Variants in MROH2B observed in about 807,000 individuals in gnomAD.
The protein encoded by MROH2B is maestro heat like repeat family member 2B.
Under a neutral mutation model 208.6 loss-of-function variants are expected in MROH2B, and 177 were observed. That is an observed-to-expected ratio of 0.85 (90% CI 0.75 to 0.96). The LOEUF (loss-of-function observed/expected upper bound fraction) is 0.96. Among genes scored for constraint, MROH2B ranks in the 40% least tolerant of loss-of-function variants. The pLI is 0.00. For synonymous variants in MROH2B, 728 were observed against 659.0 expected, an observed-to-expected ratio of 1.10 and a Z score of -1.60; for missense variants, 2,002 against 1,878.7, an observed-to-expected ratio of 1.07 and a Z score of -1.21.
chr5:41,020,399 C>T (rs1193551353), intron 24 of MROH2B, among the ~76,000 whole-genome samples: 1 of 151,918 alleles, frequency 6.6e-6, no homozygotes, highest in Non-Finnish European at 1.5e-5. Flanking sequence ...TTCTACAAAC[C>T]TCCCTCATTT....
At chr5:41,023,233 C>T (rs1029996453) in intron 24 of MROH2B, among the ~76,000 whole-genome samples, 11 of 152,144 alleles carry the variant, frequency 7.2e-5, no homozygotes, top group Non-Finnish European at 1.5e-4. Context: ...TTCAGATGAT[C>T]AAACTTCTCC....
At chr5:41,069,057 G>T (rs1039734607) in intron 2 of MROH2B, among the ~76,000 whole-genome samples, 4 of 152,058 alleles carry the variant, frequency 2.6e-5, no homozygotes, top group African/African-American at 9.7e-5. Flanking sequence ...GCTTGCTTTT[G>T]GATATAGTCC....
intron 4 of MROH2B, 104 bp from the exon 5 acceptor site, chr5:41,064,674 G>T: frequency 2.7e-6 from 2 of 727,708 alleles, no homozygotes; most frequent in Non-Finnish European, 2.3e-6. Flanking sequence ...CACGGAGGAG[G>T]CAGATGAGGT....
At chr5:41,025,848 G>C (rs972687167) in intron 24 of MROH2B, among the ~76,000 whole-genome samples, 41 of 152,088 alleles carry the variant, frequency 2.7e-4, no homozygotes, top group Non-Finnish European at 1.2e-4. Context: ...ATGATCAAGT[G>C]GGCTTCATCC....
chr5:40,998,097 C>A lies in MROH2B; in HGVS notation c.4713G>T (p.Leu1571Phe), dbSNP rs1741264349. The change falls in exon 42 of 42, where the codon TTG (leucine) becomes TTT (phenylalanine). Residue 1571 changes from leucine (L) to phenylalanine (F), a missense_variant. Physicochemically the swap from Leu to Phe is conservative, Grantham distance 22. Coordinates refer to ENST00000399564, the MANE Select transcript of MROH2B (RefSeq NM_173489.5). Reference protein sequence around the residue: ...ISVQRAAEAALQTLLRRCKET... With the variant: ...ISVQRAAEAAFQTLLRRCKET... ...CTTTACACCTTCTCAGGAGGGTTTG[C>A]AAAGCAGCCTCAGCTGCTCTCTGGA... is the stretch of plus-strand genomic sequence containing the variant. The A allele has an allele frequency of 6.2e-7, 1 of 1,612,438 alleles. No individual in the cohort carries two copies. The highest frequency in any genetic ancestry group is 2.2e-5 in the East Asian group (1 of 44,848).
At chr5:41,057,388 TG>T (rs1159049291) in intron 7 of MROH2B, 28 bp from the exon 8 acceptor site, 23 of 1,525,624 alleles carry the variant, frequency 1.5e-5, no homozygotes, top group Non-Finnish European at 2.0e-5. Context: ...ACAGGTTAGT[TG>T]GAGGCTGCCA....
At chr5:41,062,685 A>G (rs1743678397) in intron 5 of MROH2B, among the ~76,000 whole-genome samples, 1 of 152,158 alleles carries the variant, frequency 6.6e-6, no homozygotes, top group Admixed American at 6.6e-5. Context: ...GGGACTCCTC[A>G]CATTCACAAA....
chr5:41,006,331 T>TA (rs893500323), intron 34 of MROH2B, among the ~76,000 whole-genome samples: 64 of 150,040 alleles, frequency 4.3e-4, no homozygotes, highest in African/African-American at 1.4e-3. Context: ...ATAATAATAA[T>TA]AAAAAAAAAG....
intron 24 of MROH2B, among the ~76,000 whole-genome samples, chr5:41,019,810 GC>G (rs1742084826): frequency 6.6e-6 from 1 of 152,216 alleles, no homozygotes; most frequent in African/African-American, 2.4e-5. Flanking sequence ...TTATTGTCTG[GC>G]TCACTGCTTT....
chr5:41,012,353 AAG>A (rs775345011), intron 30 of MROH2B, among the ~76,000 whole-genome samples: 2 of 152,198 alleles, frequency 1.3e-5, no homozygotes, highest in Non-Finnish European at 2.9e-5. Context: ...TCTAGCCAGA[AAG>A]AGACAGTTTG....
intron 9 of MROH2B, 51 bp downstream of exon 9, chr5:41,057,058 A>T: frequency 6.4e-7 from 1 of 1,569,872 alleles, no homozygotes; most frequent in Non-Finnish European, 8.8e-7. Flanking sequence ...CATTGTCATC[A>T]TCATCACTTG....
intron 11 of MROH2B, among the ~76,000 whole-genome samples, chr5:41,054,098 G>C (rs988038743): frequency 6.6e-6 from 1 of 151,988 alleles, no homozygotes; most frequent in Non-Finnish European, 1.5e-5. Context: ...TTGTGCCTCA[G>C]CCTCATGAGT....
chr5:41,040,919 C>G (rs1046359943), intron 19 of MROH2B, among the ~76,000 whole-genome samples: 1 of 152,104 alleles, frequency 6.6e-6, no homozygotes, highest in African/African-American at 2.4e-5. Flanking sequence ...CCTGCCTCAG[C>G]CTCCCAAAGT....
rs761640469 is a variant in MROH2B, at chr5:41,009,926, C to T, written c.3289G>A (p.Asp1097Asn). Residue 1097 changes from aspartate (D) to asparagine (N), a missense_variant, in exon 31 of 42, where the codon GAC becomes AAC. Asp to Asn is a conservative substitution (Grantham distance 23). Coordinates refer to ENST00000399564, the MANE Select transcript of MROH2B (RefSeq NM_173489.5). Reference protein sequence around the residue: ...VNLLQKPLPFDRDTKTLWKAL... With the variant: ...VNLLQKPLPFNRDTKTLWKAL... ...ATCAGTTCAATAAGGATCTACCTGT[C>T]AAAAGGCAGAGGCTTCTGTAAAAGG... 1 of 1,613,172 alleles carries T rather than the reference C, an allele frequency of 6.2e-7. No homozygotes were observed. The highest frequency in any genetic ancestry group is 8.5e-7 in the Non-Finnish European group (1 of 1,179,494).
chr5:41,064,668 G>A, intron 4 of MROH2B, 98 bp from the exon 5 acceptor site: 1 of 798,790 alleles, frequency 1.3e-6, no homozygotes, highest in Admixed American at 2.2e-5. Flanking sequence ...GGGCTGCACG[G>A]AGGAGGCAGA....
chr5:41,009,382 C>T lies in MROH2B; in HGVS notation c.3318G>A (p.Ala1106=), dbSNP rs77379102. The T allele has an allele frequency of 6.7e-4, 1,088 of 1,613,748 alleles. 10 individuals are homozygous for T. The East Asian group carries it at 0.015, about 22-fold the overall frequency. Residue 1106 remains alanine, a synonymous_variant, in exon 32 of 42, where the codon GCG becomes GCA. Coordinates refer to ENST00000399564, the MANE Select transcript of MROH2B (RefSeq NM_173489.5). ...CACTGGAGGCTGGCTTTTCAGCCAG[C>T]GCCTTCCACAATGTCTTTGTGTCCC... ...FDRDTKTLWK[A]LAEKPASSGK...
At chr5:41,006,178 A>G (rs1037557121) in intron 34 of MROH2B, among the ~76,000 whole-genome samples, 2 of 152,222 alleles carry the variant, frequency 1.3e-5, no homozygotes, top group African/African-American at 4.8e-5. Flanking sequence ...GGCTAAGGAC[A>G]TGAATAGATA....
At position 41,005,529 on chromosome 5, in the gene MROH2B, G is replaced by A. The variant is rs760332392; in HGVS notation, c.3864+2C>T. 23 of 1,587,828 alleles carry A rather than the reference G, an allele frequency of 1.4e-5. No individual in the cohort carries two copies. The highest frequency in any genetic ancestry group is 2.7e-5 in the African/African-American group (2 of 74,126). Reference sequence around the variant, plus strand: ...TGTGCTCTGAGGGCTGTTCTCCCTTGCCTCAGAGAAGAAAGCTGCGCCGGT... The same window carrying A: ...TGTGCTCTGAGGGCTGTTCTCCCTTACCTCAGAGAAGAAAGCTGCGCCGGT... On this transcript the variant is annotated splice_donor_variant, in intron 35 of 41. Coordinates refer to ENST00000399564, the MANE Select transcript of MROH2B (RefSeq NM_173489.5). LOFTEE classifies it low-confidence loss of function (GC_TO_GT_DONOR).
chr5:41,068,123 G>A (rs191109146), intron 2 of MROH2B, among the ~76,000 whole-genome samples: 443 of 152,268 alleles, frequency 2.9e-3, no homozygotes, highest in Non-Finnish European at 4.6e-3. Context: ...AGAGAGACTG[G>A]TGTACTGAAA....
Sources: allele counts gnomAD v4.1 joint callset (sites outside exome capture counted in the v4.1 genomes callset), GRCh38; gene constraint gnomAD v4.1.1; transcripts MANE v1.5; gene names NCBI Gene and HGNC (gene_info 2026-07-23, HGNC 2026-07-21).